Variants in TNRC6B observed in about 807,000 individuals in gnomAD.
TNRC6B encodes trinucleotide repeat containing adaptor 6B, also known as trinucleotide repeat-containing gene 6B protein.
A neutral mutation model predicts 203.6 loss-of-function variants in TNRC6B; 52 were observed. That is an observed-to-expected ratio of 0.26 (90% CI 0.20 to 0.32). TNRC6B has a LOEUF of 0.32. TNRC6B is among the 10% of genes least tolerant of loss of function. The probability of loss-of-function intolerance (pLI) is 1.00; values close to 1 mark genes in which losing one functional copy is unlikely to be tolerated. For synonymous variants in TNRC6B, 838 were observed against 845.7 expected (o/e 0.99, Z 0.16); for missense variants, 1,923 against 2,286.2 (o/e 0.84, Z 3.24).
Position 40,253,485 on chromosome 22 carries a change from T to C in TNRC6B, c.115+2285T>C, listed in dbSNP as rs1276628925. The C allele has an allele frequency of 9.0e-6, 4 of 444,702 alleles. No individual in the cohort carries two copies. In the East Asian group the frequency reaches 2.1e-4, roughly 23 times the overall value. The allele number at this position is 444,702 out of a possible 1,614,324, so 27.5% of individuals were successfully genotyped here. Reference sequence around the variant, plus strand: ...TCTACCAGTCTTAAAAATCAAACTTTCCTTTCTACTCACCACCAAATTTTT... The same window carrying C: ...TCTACCAGTCTTAAAAATCAAACTTCCCTTTCTACTCACCACCAAATTTTT... On this transcript the variant is annotated intron_variant, in intron 3 of 22. Transcript: ENST00000454349.
chr22:40,056,600 C>A (rs1488746249), intron 1 of TNRC6B, among the ~76,000 whole-genome samples: 2 of 151,946 alleles, frequency 1.3e-5, no homozygotes, highest in Non-Finnish European at 1.5e-5. Context: ...TCGAGACCAG[C>A]TTGAGCAACA....
intron 1 of TNRC6B, among the ~76,000 whole-genome samples, chr22:40,201,008 C>T (rs1263614316): frequency 6.6e-6 from 1 of 152,190 alleles, no homozygotes; most frequent in African/African-American, 2.4e-5. Flanking sequence ...TGTGTCTCAT[C>T]CCCATTTAAC....
intron 3 of TNRC6B, among the ~76,000 whole-genome samples, chr22:40,126,900 C>CT (rs941294278): frequency 4.6e-5 from 7 of 151,018 alleles, no homozygotes; most frequent in Admixed American, 2.0e-4. Flanking sequence ...TGATTTAATT[C>CT]TTTTTTATGG....
At chr22:40,283,285 G>A (rs974434025) in intron 11 of TNRC6B, among the ~76,000 whole-genome samples, 10 of 152,110 alleles carry the variant, frequency 6.6e-5, no homozygotes, top group Admixed American at 2.0e-4. Context: ...TGATCCGCCC[G>A]CCTTGGCCTC....
At chr22:40,286,738 A>C (rs2070788753) in intron 12 of TNRC6B, among the ~76,000 whole-genome samples, 1 of 152,168 alleles carries the variant, frequency 6.6e-6, no homozygotes, top group Admixed American at 6.5e-5. Flanking sequence ...GTGCAAAGAG[A>C]TGGTGCTTTG....
chr22:40,087,575 T>TG (rs1268438735), intron 1 of TNRC6B, among the ~76,000 whole-genome samples: 3 of 152,110 alleles, frequency 2.0e-5, no homozygotes, highest in African/African-American at 7.2e-5. Context: ...AGTGATTAAC[T>TG]GGGGGGAGCC....
chr22:40,258,071 CTTTTTTTTTTT>C (rs56078653), intron 3 of TNRC6B, among the ~76,000 whole-genome samples: 638 of 28,762 alleles, frequency 0.022, 74 homozygotes, highest in Admixed American at 0.2. Context: ...GATACACAGC[CTTTTTTTTTTT>C]TTTTTTTTTT....
intron 1 of TNRC6B, among the ~76,000 whole-genome samples, chr22:40,215,943 C>T (rs980278508): frequency 6.6e-6 from 1 of 152,194 alleles, no homozygotes; most frequent in Admixed American, 6.5e-5. Flanking sequence ...GATATTCCTC[C>T]CCTTCAGATC....
In TNRC6B at chr22:40,270,219, A is replaced by G. The variant is rs17852584; in HGVS notation, c.2904A>G (p.Thr968=). ...SSPGWGEMDD[T]GASTTGWGNT... ...CTGGGTGGGGCGAGATGGATGATAC[A>G]GGAGCATCGACCACAGGCTGGGGGA... Residue 968 remains threonine, a synonymous_variant, in exon 6 of 23, where the codon ACA becomes ACG. Coordinates refer to ENST00000454349, the MANE Select transcript of TNRC6B (RefSeq NM_001162501.2). The G allele has an allele frequency of 7.8e-6, 12 of 1,537,838 alleles. No homozygotes were observed. Among genetic ancestry groups the G allele is most frequent in the Non-Finnish European group, 1.1e-5 (12 of 1,138,974 alleles).
chr22:40,292,352 C>CAAA (rs3044498), intron 12 of TNRC6B, among the ~76,000 whole-genome samples: 1 of 100,820 alleles, frequency 9.9e-6, no homozygotes. Flanking sequence ...GACTCCATCT[C>CAAA]AAAAAAAAAA....
intron 1 of TNRC6B, among the ~76,000 whole-genome samples, chr22:40,190,477 G>A (rs557380945): frequency 6.6e-6 from 1 of 152,258 alleles, no homozygotes; most frequent in African/African-American, 2.4e-5. Flanking sequence ...AAATGGCCAT[G>A]GCAGATTTTC....
chr22:40,170,909 ATATATGTGTG>A (rs1413447794), intron 4 of TNRC6B, among the ~76,000 whole-genome samples: 1 of 142,342 alleles, frequency 7.0e-6, no homozygotes, highest in Non-Finnish European at 1.5e-5. Context: ...ATATATGTGC[ATATATGTGTG>A]TATATATACA....
intron 1 of TNRC6B, among the ~76,000 whole-genome samples, chr22:40,054,763 C>G (rs181585778): frequency 1.2e-4 from 18 of 151,938 alleles, no homozygotes; most frequent in Middle Eastern, 3.4e-3. Flanking sequence ...TTAGGCAAAG[C>G]TTGGTGGCTC....
intron 1 of TNRC6B, among the ~76,000 whole-genome samples, chr22:40,209,297 A>G (rs1007916741): frequency 2.6e-5 from 4 of 152,188 alleles, no homozygotes; most frequent in African/African-American, 7.2e-5. Flanking sequence ...TAGTTAATGG[A>G]TAGTAAGAAC....
chr22:40,262,665 T>C lies in TNRC6B; in HGVS notation c.457+492T>C, dbSNP rs115437276. ...GATTTTTAAACTCAGTATTTCTTTT[T>C]GTGGGCCCTGGATTTTGAGCTTTGT... On this transcript the variant is annotated intron_variant, in intron 4 of 22. Transcript: ENST00000454349. Among the ~76,000 whole-genome samples, 307 of 152,314 alleles carry C rather than the reference T, an allele frequency of 2.0e-3. 1 individual carries two copies. The highest frequency in any genetic ancestry group is 7.2e-3 in the African/African-American group (300 of 41,576).
intron 1 of TNRC6B, among the ~76,000 whole-genome samples, chr22:40,088,584 T>TTG (rs58537972): frequency 0.14 from 18,046 of 124,978 alleles, 1,355 homozygotes; most frequent in Middle Eastern, 0.21. Context: ...GCGGCTACTT[T>TTG]TGTGTGTGTG....
chr22:40,112,099 CA>C (rs1408485092), intron 1 of TNRC6B, among the ~76,000 whole-genome samples: 1 of 151,690 alleles, frequency 6.6e-6, no homozygotes, highest in Admixed American at 6.6e-5. Flanking sequence ...GACTCCCTCT[CA>C]AAAAAGAGAA....
intron 1 of TNRC6B, among the ~76,000 whole-genome samples, chr22:40,073,100 ATCCCC>A (rs2146281990): frequency 6.7e-6 from 1 of 148,918 alleles, no homozygotes; most frequent in African/African-American, 2.5e-5. Context: ...CCAGACTCCT[ATCCCC>A]TACTGCCCCA....
At chr22:40,279,610 A>G (rs2070697459) in intron 9 of TNRC6B, among the ~76,000 whole-genome samples, 1 of 152,114 alleles carries the variant, frequency 6.6e-6, no homozygotes, top group Non-Finnish European at 1.5e-5. Context: ...AAAACAGACA[A>G]CTTCTCTCCC....
Sources: allele counts gnomAD v4.1 joint callset (sites outside exome capture counted in the v4.1 genomes callset), GRCh38; gene constraint gnomAD v4.1.1; transcripts MANE v1.5; gene names NCBI Gene and HGNC (gene_info 2026-07-23, HGNC 2026-07-21).